Variants in FAF1 observed in about 807,000 individuals in gnomAD.
The protein encoded by FAF1 is Fas associated factor 1, also known as FAS-associated factor 1.
A neutral mutation model predicts 92.5 loss-of-function variants in FAF1; 25 were observed. The observed-to-expected ratio is 0.27, with a 90% CI of 0.20 to 0.38. The LOEUF (loss-of-function observed/expected upper bound fraction) is 0.38. Ranked by LOEUF, FAF1 falls within the 10% of genes least tolerant of loss-of-function variation. The pLI is 1.00. For synonymous variants in FAF1, 234 were observed against 273.2 expected, an observed-to-expected ratio of 0.86 and a Z score of 1.42; for missense variants, 636 against 793.3, an observed-to-expected ratio of 0.80 and a Z score of 2.38.
rs1645304090 is a variant in FAF1, at chr1:50,960,042, A to T, written c.-231T>A. The T allele has an allele frequency of 2.5e-6, 1 of 395,356 alleles. No homozygotes were observed. Among genetic ancestry groups the T allele is most frequent in the Non-Finnish European group, 4.5e-6 (1 of 224,122 alleles). The allele number at this position is 395,356 out of a possible 1,614,324, so 24.5% of individuals were successfully genotyped here. A position where few individuals can be genotyped will look rare whatever the true frequency, so the allele number is the denominator to read the frequency against. ...CCGGCCGCCCGCCTGCAACCTGCGGAGCCCGCGTCGCAGCAGCCCGGACAG... is the reference window on the plus strand; with the variant it reads ...CCGGCCGCCCGCCTGCAACCTGCGGTGCCCGCGTCGCAGCAGCCCGGACAG... On this transcript the variant is annotated 5_prime_UTR_variant, in exon 1 of 19. Coordinates refer to ENST00000396153, the MANE Select transcript of FAF1 (RefSeq NM_007051.3).
At chr1:50,909,040 T>C (rs1644862546) in intron 1 of FAF1, among the ~76,000 whole-genome samples, 1 of 152,214 alleles carries the variant, frequency 6.6e-6, no homozygotes, top group African/African-American at 2.4e-5. Context: ...GTTTAGTGCT[T>C]CCTTCAGAAG....
At chr1:50,501,875 A>G (rs1055667194) in intron 15 of FAF1, among the ~76,000 whole-genome samples, 1 of 152,232 alleles carries the variant, frequency 6.6e-6, no homozygotes, top group Admixed American at 6.5e-5. Flanking sequence ...ACAAATGACC[A>G]TATTACCATA....
At chr1:50,818,842 C>CA (rs879840815) in intron 2 of FAF1, among the ~76,000 whole-genome samples, 88 of 137,314 alleles carry the variant, frequency 6.4e-4, no homozygotes, top group South Asian at 9.2e-4. Flanking sequence ...ATCCCCCCAC[C>CA]AAAAAAAAAA....
chr1:50,728,267 C>T (rs1226095832), intron 6 of FAF1, among the ~76,000 whole-genome samples: 6 of 152,006 alleles, frequency 3.9e-5, no homozygotes, highest in African/African-American at 1.4e-4. Flanking sequence ...AGAAATGAGC[C>T]AAGTTGTTAC....
At chr1:50,910,276 G>C (rs1048342632) in intron 1 of FAF1, among the ~76,000 whole-genome samples, 4 of 152,178 alleles carry the variant, frequency 2.6e-5, no homozygotes, top group African/African-American at 9.7e-5. Flanking sequence ...GGCTGAATGA[G>C]GTGTCAGTCA....
chr1:50,672,535 G>T (rs542361069), intron 7 of FAF1, among the ~76,000 whole-genome samples: 1 of 150,100 alleles, frequency 6.7e-6, no homozygotes, highest in Non-Finnish European at 1.5e-5. Flanking sequence ...TGCCTACCTC[G>T]ACCTACCAAA....
chr1:50,589,097 C>A (rs759217782), intron 9 of FAF1, among the ~76,000 whole-genome samples: 1 of 152,202 alleles, frequency 6.6e-6, no homozygotes, highest in Non-Finnish European at 1.5e-5. Context: ...GGGGCAAGAT[C>A]ACCTACTTAT....
At chr1:50,920,147 A>C (rs993052657) in intron 1 of FAF1, among the ~76,000 whole-genome samples, 3 of 151,902 alleles carry the variant, frequency 2.0e-5, no homozygotes, top group Non-Finnish European at 4.4e-5. Context: ...TAAAAATACA[A>C]AAAGTTAGCT....
intron 7 of FAF1, among the ~76,000 whole-genome samples, chr1:50,673,367 A>G (rs1347865923): frequency 6.6e-6 from 1 of 152,244 alleles, no homozygotes; most frequent in African/African-American, 2.4e-5. Context: ...TTTAACAAGT[A>G]CACTGAGTGC....
At chr1:50,916,643 G>A (rs1422314671) in intron 1 of FAF1, among the ~76,000 whole-genome samples, 1 of 152,132 alleles carries the variant, frequency 6.6e-6, no homozygotes, top group Non-Finnish European at 1.5e-5. Context: ...AGGTTGCAAA[G>A]GTCTTGACAA....
intron 1 of FAF1, among the ~76,000 whole-genome samples, chr1:50,885,312 T>TCTCTCA (rs906105476): frequency 4.4e-5 from 6 of 137,370 alleles, no homozygotes; most frequent in African/African-American, 1.7e-4. Flanking sequence ...TCTCTCTCTC[T>TCTCTCA]CACACACACA....
At chr1:50,631,393 A>G (rs1438988535) in intron 8 of FAF1, among the ~76,000 whole-genome samples, 1 of 152,162 alleles carries the variant, frequency 6.6e-6, no homozygotes, top group East Asian at 1.9e-4. Flanking sequence ...TCCATGCTGT[A>G]TACTCAACCT....
chr1:50,827,662 A>G (rs979392037), intron 2 of FAF1, among the ~76,000 whole-genome samples: 3 of 152,134 alleles, frequency 2.0e-5, no homozygotes, highest in African/African-American at 7.2e-5. Context: ...AAATAAATAA[A>G]TTCCAGACAC....
intron 4 of FAF1, among the ~76,000 whole-genome samples, chr1:50,770,062 CA>C (rs981048143): frequency 1.3e-5 from 2 of 151,828 alleles, no homozygotes; most frequent in Non-Finnish European, 2.9e-5. Flanking sequence ...AAAAAACAAA[CA>C]AAAAACCTTC....
At chr1:50,495,811 G>C (rs1201660024) in intron 15 of FAF1, among the ~76,000 whole-genome samples, 1 of 152,056 alleles carries the variant, frequency 6.6e-6, no homozygotes, top group Non-Finnish European at 1.5e-5. Context: ...TTTTAACTGA[G>C]GTGAGATGAT....
intron 7 of FAF1, among the ~76,000 whole-genome samples, chr1:50,672,239 G>T (rs1335843479): frequency 6.6e-6 from 1 of 151,888 alleles, no homozygotes; most frequent in Non-Finnish European, 1.5e-5. Context: ...TAGAGACGGG[G>T]TTTATCTTGG....
chr1:50,807,246 T>C (rs981517383), intron 2 of FAF1, among the ~76,000 whole-genome samples: 1 of 152,232 alleles, frequency 6.6e-6, no homozygotes, highest in Non-Finnish European at 1.5e-5. Flanking sequence ...GTCACAGGTG[T>C]ATTAGTTCAT....
intron 18 of FAF1, among the ~76,000 whole-genome samples, chr1:50,456,861 G>A (rs1646358763): frequency 6.6e-6 from 1 of 152,160 alleles, no homozygotes; most frequent in Non-Finnish European, 1.5e-5. Flanking sequence ...GCCCTAGGGT[G>A]TCAATTAGTT....
rs1646158525 is a variant in FAF1, at chr1:50,440,697, G to A, written c.*743C>T. 1 of 152,172 alleles carries A rather than the reference G, an allele frequency of 6.6e-6. No homozygotes were observed. Among genetic ancestry groups the A allele is most frequent in the Non-Finnish European group, 1.5e-5 (1 of 68,036 alleles). 9.4% of individuals were successfully genotyped at this position (152,172 alleles called of 1,614,324 possible). On this transcript the variant is annotated 3_prime_UTR_variant, in exon 19 of 19. Transcript: ENST00000396153. Reference sequence around the variant, plus strand: ...ACCTAACAGTAGCCTCTTGCCATTGGGCCAGATACTGAAGTTTTGGTACTG... The same window carrying A: ...ACCTAACAGTAGCCTCTTGCCATTGAGCCAGATACTGAAGTTTTGGTACTG...
Sources: gnomAD v4.1 joint callset for allele counts (sites outside exome capture counted in the v4.1 genomes callset) on GRCh38, gnomAD v4.1.1 for gene constraint, MANE v1.5 for transcripts, NCBI Gene and HGNC (gene_info 2026-07-23, HGNC 2026-07-21) for gene names.